Variants in GALNT3 observed in about 807,000 individuals in gnomAD.
GALNT3 encodes the protein GalNAc transferase 3.
Under a neutral mutation model 69.8 loss-of-function variants are expected in GALNT3, and 51 were observed. The observed-to-expected ratio is 0.73, with a 90% confidence interval of 0.58 to 0.92. The LOEUF is 0.92. GALNT3 is among the 40% of genes least tolerant of loss of function. The pLI, the probability that GALNT3 is intolerant of heterozygous loss-of-function variation, is 0.00. For missense variants in GALNT3, 711 were observed against 760.0 expected (o/e 0.94, Z 0.76); for synonymous variants, 265 against 248.5 (o/e 1.07, Z -0.63).
chr2:165,777,076 C>T, intron 1 of GALNT3, among the ~76,000 whole-genome samples: 1 of 152,054 alleles, frequency 6.6e-6, no homozygotes, highest in East Asian at 1.9e-4. Context: ...TATAATTTTA[C>T]ATGAAAGTAA....
chr2:165,749,030 G>C, intron 10 of GALNT3, 127 bp from the exon 11 acceptor site: 1 of 976,560 alleles, frequency 1.0e-6, no homozygotes. Flanking sequence ...AGCCATGTCT[G>C]ATAAACTCTT....
In GALNT3 at chr2:165,757,183, C is replaced by G; in HGVS notation, c.1256G>C (p.Ser419Thr). 1 of 1,614,066 alleles carries G rather than the reference C, an allele frequency of 6.2e-7. No individual in the cohort carries two copies. Among genetic ancestry groups the G allele is most frequent in the Non-Finnish European group, 8.5e-7 (1 of 1,179,948 alleles). ...TTTTGGAAAGCTATGAGGGCTTTTG[C>G]TGCGAAAAACATGTCCAACAACAGA... Reference protein sequence around the residue: ...PCSVVGHVFRSKSPHSFPKGT... With the variant: ...PCSVVGHVFRTKSPHSFPKGT... The change falls in exon 7 of 11, where the codon AGC becomes ACC. Residue 419 changes from serine (S) to threonine (T), a missense_variant. Transcript: ENST00000392701.
chr2:165,749,879 CAG>C lies in GALNT3; in HGVS notation c.1640_1641del (p.Ser547CysfsTer4). The part of the protein sequence containing the change: ...GLGGNQYFEY[S>X]AQHEIRHNIQ... The stretch of plus-strand genomic sequence containing the variant: ...ATGTTGTGCCGAATTTCATGTTGAG[CAG>C]AGTATTCAAAGTACTATGGAAGGAA... On this transcript the variant is annotated frameshift_variant, in exon 10 of 11. Coordinates refer to ENST00000392701, the MANE Select transcript of GALNT3 (RefSeq NM_004482.4). LOFTEE classifies it high-confidence loss of function. 6.2e-7 allele frequency: 1 copy of C among 1,613,432 alleles called. No homozygotes were observed. Among genetic ancestry groups the C allele is most frequent in the Non-Finnish European group, 8.5e-7 (1 of 1,179,540 alleles).
At chr2:165,793,773 G>A (rs1166825342) in intron 1 of GALNT3, 1 of 152,940 alleles carries the variant, frequency 6.5e-6, no homozygotes, top group Non-Finnish European at 1.5e-5. Context: ...GGGACTGGCG[G>A]GGGCACCGTG....
chr2:165,752,691 G>T (rs933476069), intron 9 of GALNT3, among the ~76,000 whole-genome samples: 1 of 152,160 alleles, frequency 6.6e-6, no homozygotes, highest in Non-Finnish European at 1.5e-5. Context: ...TAAAATAAAT[G>T]TAATGCTAGA....
At position 165,780,646 on chromosome 2, in the gene GALNT3, TTTG is replaced by T. The variant is rs534952025; in HGVS notation, c.-108-9841_-108-9839del. On this transcript the variant is annotated intron_variant, in intron 1 of 10. Coordinates refer to ENST00000392701, the MANE Select transcript of GALNT3 (RefSeq NM_004482.4). ...CTGCAAATCAGGTTTGAGGGGTTTTTTTGTTGTTGTTGTTGTTGTTGTTGTTGT... is the reference window on the plus strand; with the variant it reads ...CTGCAAATCAGGTTTGAGGGGTTTTTTTGTTGTTGTTGTTGTTGTTGTTGT... 4.5e-3 allele frequency among the ~76,000 whole-genome samples: 458 copies of T among 101,750 alleles called. 2 individuals carry two copies. The highest frequency in any genetic ancestry group is 0.013 in the African/African-American group (347 of 27,430). The allele number at this position is 101,750 out of a possible 152,430, so 66.8% of individuals were successfully genotyped here. A position where few individuals can be genotyped will look rare whatever the true frequency, so the allele number is the denominator to read the frequency against.
intron 8 of GALNT3, 33 bp downstream of exon 8, chr2:165,754,899 T>C: frequency 6.2e-7 from 1 of 1,609,302 alleles, no homozygotes; most frequent in Non-Finnish European, 8.5e-7. Context: ...GCAAGGAGTA[T>C]ATTAATTAAA....
Position 165,765,027 on chromosome 2 carries a change from G to A in GALNT3, c.545C>T (p.Pro182Leu). 5 of 1,614,156 alleles carry A rather than the reference G, an allele frequency of 3.1e-6. No individual in the cohort carries two copies. Among genetic ancestry groups the A allele is most frequent in the Non-Finnish European group, 4.2e-6 (5 of 1,180,042 alleles). ...ECIEQKFKRC[P>L]PLPTTSVIIV... ...TATGACACTGGTGGTGGGCAGGGGA[G>A]GGCAGCGCTTAAATTTTTGTTCAAT... The change falls in exon 3 of 11, where the codon CCT (proline) becomes CTT (leucine). Residue 182 changes from proline (P) to leucine (L), a missense_variant. Physicochemically the swap from Pro to Leu is moderately conservative, Grantham distance 98 (BLOSUM62 -3). Transcript: ENST00000392701.
chr2:165,776,459 A>G (rs1199666309), intron 1 of GALNT3, among the ~76,000 whole-genome samples: 1 of 152,164 alleles, frequency 6.6e-6, no homozygotes, highest in Non-Finnish European at 1.5e-5. Flanking sequence ...CACCTATCCA[A>G]GATGGCTATT....
At position 165,762,070 on chromosome 2, in the gene GALNT3, AT is replaced by A. The variant is rs777676910; in HGVS notation, c.689-17del. ...TGTAAGTACTCTGTAAGGAAAAAAA[AT>A]CAGGGTTAATTCTTTCTAAATGCAT... is the stretch of plus-strand genomic sequence containing the variant. On this transcript the variant is annotated splice_polypyrimidine_tract_variant and intron_variant, in intron 3 of 10. Coordinates refer to ENST00000392701, the MANE Select transcript of GALNT3 (RefSeq NM_004482.4). 6.7e-7 allele frequency: 1 copy of A among 1,498,748 alleles called. No homozygotes were observed. The highest frequency in any genetic ancestry group is 9.3e-7 in the Non-Finnish European group (1 of 1,077,156). 92.8% of individuals were successfully genotyped at this position (1,498,748 alleles called of 1,614,324 possible).
At chr2:165,750,784 T>C (rs1042297539) in intron 9 of GALNT3, among the ~76,000 whole-genome samples, 1 of 152,206 alleles carries the variant, frequency 6.6e-6, no homozygotes, top group African/African-American at 2.4e-5. Context: ...CCCAGTTATA[T>C]ATTATGCTTC....
intron 1 of GALNT3, among the ~76,000 whole-genome samples, chr2:165,791,363 A>G (rs1414921910): frequency 1.3e-5 from 2 of 152,112 alleles, no homozygotes; most frequent in African/African-American, 2.4e-5. Context: ...GAATAGTGCT[A>G]TTTTCACATT....
intron 10 of GALNT3, 22 bp from the exon 11 acceptor site, chr2:165,748,925 G>A (rs778696057): frequency 2.5e-6 from 4 of 1,602,282 alleles, no homozygotes; most frequent in Middle Eastern, 1.8e-4. Context: ...GGAAACAACA[G>A]ACATTAAATT....
Position 165,759,471 on chromosome 2 carries a change from G to GATT in GALNT3, c.937_938insAAT (p.Thr313delinsLysSer), listed in dbSNP as rs1688504419. ...AGGAGAAGGTTTGTTGAATTCAAAC[G>GATT]TGTTCAGATCTATGGATGCAATATC... On this transcript the variant is annotated protein_altering_variant, in exon 5 of 11. Coordinates refer to ENST00000392701, the MANE Select transcript of GALNT3 (RefSeq NM_004482.4). 1 of 1,613,872 alleles carries GATT rather than the reference G, an allele frequency of 6.2e-7. No homozygotes were observed. The highest frequency in any genetic ancestry group is 1.3e-5 in the African/African-American group (1 of 74,902).
In GALNT3 at chr2:165,762,027, T is replaced by G. The variant is rs1326882498; in HGVS notation, c.716A>C (p.Tyr239Ser). The G allele has an allele frequency of 5.7e-6, 9 of 1,585,104 alleles. No homozygotes were observed. The highest frequency in any genetic ancestry group is 6.9e-6 in the Non-Finnish European group (8 of 1,153,950). ...TTTTACTATAGAAAATTGTTTTACA[T>G]ATTCATCTAGTTTATCATGTAAGTA... ...DEYLHDKLDEYVKQFSIVKIV... is the reference protein window; with the variant it reads ...DEYLHDKLDESVKQFSIVKIV... Residue 239 changes from tyrosine to serine, a missense_variant, in exon 4 of 11, where the codon TAT becomes TCT. Tyr to Ser is a moderately radical substitution (Grantham distance 144). Transcript: ENST00000392701.
intron 10 of GALNT3, 31 bp downstream of exon 10, chr2:165,749,707 ATAGT>A (rs1403718411): frequency 6.3e-7 from 1 of 1,590,464 alleles, no homozygotes; most frequent in East Asian, 2.2e-5. Context: ...GCTAAGAAAA[ATAGT>A]TAAATAGATG....
Position 165,764,852 on chromosome 2 carries a change from G to A in GALNT3, c.688+32C>T, listed in dbSNP as rs114169299. Reference sequence around the variant, plus strand: ...CTGTAGATACCACAATATGGATTTGGGAAACAATCTAATTTGCATGTGCTT... The same window carrying A: ...CTGTAGATACCACAATATGGATTTGAGAAACAATCTAATTTGCATGTGCTT... On this transcript the variant is annotated intron_variant, in intron 3 of 10. Transcript: ENST00000392701. The A allele has an allele frequency of 1.7e-5, 27 of 1,610,480 alleles. No individual in the cohort carries two copies. In the Admixed American group the frequency reaches 4.5e-4, roughly 27 times the overall value.
intron 9 of GALNT3, among the ~76,000 whole-genome samples, chr2:165,754,395 T>C (rs1473697273): frequency 7.4e-4 from 1 of 1,346 alleles, no homozygotes; most frequent in Non-Finnish European, 2.7e-3. Flanking sequence ...CGGCCTCCTT[T>C]TTTTTTTTTT....
At chr2:165,780,302 T>C (rs1467502094) in intron 1 of GALNT3, among the ~76,000 whole-genome samples, 1 of 152,200 alleles carries the variant, frequency 6.6e-6, no homozygotes, top group Non-Finnish European at 1.5e-5. Flanking sequence ...ATACAAATTC[T>C]TTCAGGGTCT....
Sources: gnomAD v4.1 joint callset for allele counts (sites outside exome capture counted in the v4.1 genomes callset) on GRCh38, gnomAD v4.1.1 for gene constraint, MANE v1.5 for transcripts, NCBI Gene and HGNC (gene_info 2026-07-23, HGNC 2026-07-21) for gene names.